Variants in ARHGEF2 observed in about 807,000 individuals in gnomAD.
ARHGEF2 encodes rho guanine nucleotide exchange factor 2.
Under a neutral mutation model 121.0 loss-of-function variants are expected in ARHGEF2, and 22 were observed. The ratio of observed to expected loss-of-function variants is 0.18; its 90% confidence interval spans 0.13 to 0.26. ARHGEF2 has a LOEUF of 0.26. Among genes scored for constraint, ARHGEF2 ranks in the 10% least tolerant of loss-of-function variants. The probability of loss-of-function intolerance (pLI) is 1.00; values close to 1 mark genes in which losing one functional copy is unlikely to be tolerated. For missense variants in ARHGEF2, 907 were observed against 1,336.0 expected, an observed-to-expected ratio of 0.68 and a Z score of 5.01; for synonymous variants, 487 against 530.0, an observed-to-expected ratio of 0.92 and a Z score of 1.11.
rs1675226598 is a variant in ARHGEF2 at position 155,950,607 on chromosome 1, T to A, written c.2704-125A>T. On this transcript the variant is annotated intron_variant, in intron 20 of 21. Coordinates refer to ENST00000361247, the MANE Select transcript of ARHGEF2 (RefSeq NM_001162383.2). The surrounding 1 kb of genome is among the most constrained non-coding windows in gnomAD (Gnocchi z 5.2). ...TCACCCATGAGTCCCCTTCAGGAGA[T>A]CCACCACCAACTGGCCTCTTTCAGC... The A allele has an allele frequency of 6.5e-6, 7 of 1,082,764 alleles. No individual in the cohort carries two copies. In the Admixed American group the frequency reaches 1.5e-4, roughly 24 times the overall value. 67.1% of individuals were successfully genotyped at this position (1,082,764 alleles called of 1,614,324 possible).
rs747883553 is a variant in ARHGEF2, at chr1:155,952,797, C to T, written c.1815G>A (p.Val605=). 3 of 1,614,214 alleles carry T rather than the reference C, an allele frequency of 1.9e-6. No individual in the cohort carries two copies. Among genetic ancestry groups the T allele is most frequent in the Non-Finnish European group, 2.5e-6 (3 of 1,180,036 alleles). ...GCCCGACCTTCTCTCGCAGCAGCTC[C>T]ACCAGTGCCCGGTCCTTCTGCTGCA... The part of the protein sequence containing the change: ...MELQQKDRAL[V]ELLREKVGLF... Residue 605 remains valine, a synonymous_variant, in exon 15 of 22, where the codon GTG becomes GTA. Coordinates refer to ENST00000361247, the MANE Select transcript of ARHGEF2 (RefSeq NM_001162383.2).
intron 1 of ARHGEF2, chr1:155,969,687 G>T: frequency 9.8e-7 from 1 of 1,019,134 alleles, no homozygotes; most frequent in Non-Finnish European, 1.2e-6. Context: ...CAGAGAGGAG[G>T]GGAGAGCAGG....
At chr1:155,964,938 T>C (rs1572148987) in intron 7 of ARHGEF2, 50 bp downstream of exon 7, 3 of 1,513,650 alleles carry the variant, frequency 2.0e-6, no homozygotes, top group Non-Finnish European at 2.7e-6. Flanking sequence ...AGGAAGTAGA[T>C]AAACAGGACC....
chr1:155,977,979 G>T, intron 1 of ARHGEF2: 1 of 670,688 alleles, frequency 1.5e-6, no homozygotes, highest in Non-Finnish European at 1.9e-6. Flanking sequence ...GCCCAAGCCG[G>T]TGGGGCCCGG....
At chr1:155,948,488 A>G (rs1220699910) in intron 21 of ARHGEF2, among the ~76,000 whole-genome samples, 1 of 151,676 alleles carries the variant, frequency 6.6e-6, no homozygotes, top group East Asian at 1.9e-4. Context: ...AAAATTAGCT[A>G]TATGTGGTGG....
chr1:155,956,559 G>A (rs1295439951), intron 13 of ARHGEF2, among the ~76,000 whole-genome samples: 6 of 152,060 alleles, frequency 3.9e-5, no homozygotes, highest in Admixed American at 1.3e-4. Flanking sequence ...GGTGGCTAAT[G>A]CCTGTAATCT....
In ARHGEF2 at chr1:155,965,258, C is replaced by T; in HGVS notation, c.580+45G>A. 1.9e-6 allele frequency: 3 copies of T among 1,608,762 alleles called. No homozygotes were observed. The highest frequency in any genetic ancestry group is 2.6e-6 in the Non-Finnish European group (3 of 1,175,162). ...CCCACCAGCCTCTCATCCCCCAGCC[C>T]CTCTTCATGTTCCTCAGGGCTCCCC... On this transcript the variant is annotated intron_variant, in intron 6 of 21. Coordinates refer to ENST00000361247, the MANE Select transcript of ARHGEF2 (RefSeq NM_001162383.2). This position sits in a 1 kb window ranked among gnomAD's most constrained non-coding sequence, Gnocchi z 6.0.
chr1:155,971,995 G>A (rs1680564745), intron 1 of ARHGEF2, among the ~76,000 whole-genome samples: 1 of 151,800 alleles, frequency 6.6e-6, no homozygotes, highest in Admixed American at 6.6e-5. Flanking sequence ...TCCAGAATGG[G>A]CAGTGCTGCA....
chr1:155,956,419 T>C (rs569402754), intron 13 of ARHGEF2, among the ~76,000 whole-genome samples: 1 of 151,638 alleles, frequency 6.6e-6, no homozygotes, highest in South Asian at 2.1e-4. Context: ...TACTTTTATA[T>C]GCATTTCTAA....
intron 2 of ARHGEF2, among the ~76,000 whole-genome samples, chr1:155,967,243 G>A (rs891621585): frequency 6.6e-6 from 1 of 152,166 alleles, no homozygotes; most frequent in Non-Finnish European, 1.5e-5. Context: ...ATGGAAGAGA[G>A]GACTCCCACA....
Position 155,969,458 on chromosome 1 carries a change from A to G in ARHGEF2, c.64-158T>C, listed in dbSNP as rs549806061. The G allele has an allele frequency of 3.8e-5, 56 of 1,459,034 alleles. No homozygotes were observed. In the African/African-American group the frequency reaches 6.9e-4, roughly 18 times the overall value. 90.4% of individuals were successfully genotyped at this position (1,459,034 alleles called of 1,614,324 possible). A position where few individuals can be genotyped will look rare whatever the true frequency, so the allele number is the denominator to read the frequency against. Reference sequence around the variant, plus strand: ...AAAGCAGAGCCTGCAACTGGGTGTCAGAGGCAGCTGTCCGGGAGTGACCAG... The same window carrying G: ...AAAGCAGAGCCTGCAACTGGGTGTCGGAGGCAGCTGTCCGGGAGTGACCAG... On this transcript the variant is annotated intron_variant, in intron 1 of 21. Transcript: ENST00000361247.
intron 11 of ARHGEF2, among the ~76,000 whole-genome samples, chr1:155,959,793 C>T (rs1156733895): frequency 6.6e-6 from 1 of 152,180 alleles, no homozygotes; most frequent in African/African-American, 2.4e-5. Context: ...GATCTGCCTG[C>T]CTGATTCAGC....
intron 7 of ARHGEF2, among the ~76,000 whole-genome samples, chr1:155,964,199 C>CATAT (rs35388474): frequency 3.7e-3 from 165 of 45,116 alleles, no homozygotes; most frequent in East Asian, 0.012. Context: ...TATATATATA[C>CATAT]ATATATATAT....
In ARHGEF2 at chr1:155,966,447, G is replaced by A. The variant is rs143302534; in HGVS notation, c.309C>T (p.Thr103=). 8.6e-5 allele frequency: 139 copies of A among 1,614,008 alleles called. No individual in the cohort carries two copies. The highest frequency in any genetic ancestry group is 1.1e-4 in the Non-Finnish European group (128 of 1,180,012). ...TTCGAAGAGAAACGGACTGCAAGGC[G>A]GTGTTGTTCTTCAGCAGGGCCGCTT... is the stretch of plus-strand genomic sequence containing the variant. ...QQKAALLKNN[T]ALQSVSLRSK... The change falls in exon 4 of 22, where the codon ACC becomes ACT. Residue 103 remains threonine, a synonymous_variant. Transcript: ENST00000361247.
rs1677476180 is a variant in ARHGEF2 at position 155,959,643 on chromosome 1, C to G, written c.1469-1247G>C. ...CACTGTGACCTCTGCCTCCTGAGTT[C>G]AAGCGATTCTCATGCCTCAGCCTCC... On this transcript the variant is annotated intron_variant, in intron 11 of 21. Coordinates refer to ENST00000361247, the MANE Select transcript of ARHGEF2 (RefSeq NM_001162383.2). 2.0e-5 allele frequency among the ~76,000 whole-genome samples: 3 copies of G among 151,934 alleles called. 1 individual carries two copies. Among genetic ancestry groups the G allele is most frequent in the Admixed American group, 2.0e-4 (3 of 15,248 alleles).
At chr1:155,975,428 A>T (rs1681139632) in intron 1 of ARHGEF2, among the ~76,000 whole-genome samples, 1 of 151,658 alleles carries the variant, frequency 6.6e-6, no homozygotes, top group South Asian at 2.1e-4. Context: ...CCTGCAAGTC[A>T]CTCAGTGACT....
At position 155,965,004 on chromosome 1, in the gene ARHGEF2, C is replaced by T. The variant is rs1262357785; in HGVS notation, c.708G>A (p.Gln236=). 3.1e-6 allele frequency: 5 copies of T among 1,613,926 alleles called. No homozygotes were observed. The highest frequency in any genetic ancestry group is 3.4e-6 in the Non-Finnish European group (4 of 1,179,992). ...LQQHKKEVMK[Q]QDVIYELIQT... ...TTGGCTTACCATAGATGACATCTTG[C>T]TGCTTCATCACCTCCTTTTTATGCT... is the stretch of plus-strand genomic sequence containing the variant. The change falls in exon 7 of 22, where the codon CAG becomes CAA. Residue 236 remains glutamine (Q), a synonymous_variant. Transcript: ENST00000361247. The surrounding 1 kb of genome is among the most constrained non-coding windows in gnomAD (Gnocchi z 6.0).
intron 1 of ARHGEF2, 185 bp from the exon 2 acceptor site, chr1:155,969,485 C>A: frequency 1.4e-6 from 2 of 1,425,562 alleles, no homozygotes; most frequent in Non-Finnish European, 1.8e-6. Context: ...AGTGACCAGG[C>A]CAGGCTCTGG....
intron 7 of ARHGEF2, among the ~76,000 whole-genome samples, chr1:155,964,217 T>TATA (rs1491160862): frequency 6.9e-5 from 9 of 131,198 alleles, no homozygotes; most frequent in Non-Finnish European, 1.1e-4. Context: ...TATATATATA[T>TATA]TTTTTTTTTA....
Sources: gnomAD v4.1 joint callset for allele counts (sites outside exome capture counted in the v4.1 genomes callset) on GRCh38, gnomAD v4.1.1 for gene constraint, Gnocchi (gnomAD v3.1) non-coding constraint, MANE v1.5 for transcripts, NCBI Gene and HGNC (gene_info 2026-07-23, HGNC 2026-07-21) for gene names.